The following CELF4 variants were observed in gnomAD, a reference collection of about 807,000 sequenced individuals.
CELF4 encodes the protein CUGBP Elav-like family member 4.
A neutral mutation model predicts 59.9 loss-of-function variants in CELF4; 18 were observed. That is an observed-to-expected ratio of 0.30 (90% CI 0.21 to 0.45). CELF4 has a LOEUF of 0.45. Ranked by LOEUF, CELF4 falls within the 20% of genes least tolerant of loss-of-function variation. The probability of loss-of-function intolerance (pLI) is 1.00; values close to 1 mark genes in which losing one functional copy is unlikely to be tolerated. For missense variants in CELF4, 456 were observed against 689.0 expected (o/e 0.66, Z 3.79); for synonymous variants, 261 against 267.1 (o/e 0.98, Z 0.22).
Position 37,264,720 on chromosome 18 carries a change from C to G in CELF4, c.1203G>C (p.Gln401His). 1 of 1,581,322 alleles carries G rather than the reference C, an allele frequency of 6.3e-7. No individual in the cohort carries two copies. Among genetic ancestry groups the G allele is most frequent in the Non-Finnish European group, 8.6e-7 (1 of 1,162,844 alleles). Reference protein sequence around the residue: ...AYPAAYGQISQAFPQPPPMIP... With the variant: ...AYPAAYGQISHAFPQPPPMIP... ...TCATTGGAGGCGGCTGAGGAAAGGC[C>G]TGGCTTATCTGACCATAGGCAGCAG... The change falls in exon 10 of 13, where the codon CAG becomes CAC. Residue 401 changes from glutamine (Q) to histidine (H), a missense_variant. Physicochemically the swap from Gln to His is conservative, Grantham distance 24. Transcript: ENST00000420428.
intron 1 of CELF4, among the ~76,000 whole-genome samples, chr18:37,538,601 G>T (rs1393249430): frequency 1.3e-5 from 2 of 152,140 alleles, no homozygotes; most frequent in Non-Finnish European, 2.9e-5. Flanking sequence ...TGGCTGCCTG[G>T]GACTAGTGAT....
chr18:37,542,873 C>T (rs1431709733), intron 1 of CELF4, among the ~76,000 whole-genome samples: 1 of 152,174 alleles, frequency 6.6e-6, no homozygotes, highest in East Asian at 1.9e-4. Context: ...TTGCCCCTGA[C>T]CATTGCCTGG....
At chr18:37,420,773 G>T (rs893926876) in intron 2 of CELF4, among the ~76,000 whole-genome samples, 63 of 152,186 alleles carry the variant, frequency 4.1e-4, no homozygotes, top group Non-Finnish European at 5.1e-4. Context: ...AGCACAAACT[G>T]CAAGCCAGGC....
intron 3 of CELF4, among the ~76,000 whole-genome samples, chr18:37,285,968 C>T (rs1378132211): frequency 6.6e-6 from 1 of 152,176 alleles, no homozygotes; most frequent in Non-Finnish European, 1.5e-5. Flanking sequence ...CTGCATTTCA[C>T]CCATCGCAGG....
chr18:37,243,256 A>AAAC lies in CELF4; in HGVS notation c.*1983_*1985dup, dbSNP rs770570223. 15 of 150,842 alleles carry AAAC rather than the reference A, an allele frequency of 9.9e-5. No homozygotes were observed. The highest frequency in any genetic ancestry group is 2.1e-4 in the South Asian group (1 of 4,762). The allele number at this position is 150,842 out of a possible 1,614,324, so 9.3% of individuals were successfully genotyped here. ...AGTCAAGAGAAAAAAAGAAAATGAA[A>AAAC]AACAACAACAACAACAAAATTGACA... On this transcript the variant is annotated 3_prime_UTR_variant, in exon 13 of 13. Transcript: ENST00000420428.
chr18:37,406,296 C>T (rs899676288), intron 2 of CELF4, among the ~76,000 whole-genome samples: 1 of 152,114 alleles, frequency 6.6e-6, no homozygotes, highest in Non-Finnish European at 1.5e-5. Context: ...CACACATGCA[C>T]CCCAGTTCAG....
intron 1 of CELF4, among the ~76,000 whole-genome samples, chr18:37,554,761 AT>A (rs1226175180): frequency 1.3e-5 from 2 of 152,120 alleles, no homozygotes; most frequent in African/African-American, 4.8e-5. Flanking sequence ...TCCCCAGGAC[AT>A]CCTTCCAGGT....
At chr18:37,423,803 A>G (rs928150077) in intron 2 of CELF4, among the ~76,000 whole-genome samples, 2 of 152,158 alleles carry the variant, frequency 1.3e-5, no homozygotes, top group African/African-American at 4.8e-5. Context: ...GGGAGGCTTC[A>G]GGGAGATGCA....
intron 2 of CELF4, among the ~76,000 whole-genome samples, chr18:37,383,508 C>T (rs1287708379): frequency 6.6e-6 from 1 of 152,188 alleles, no homozygotes; most frequent in Non-Finnish European, 1.5e-5. Flanking sequence ...GGAGGCAATC[C>T]TCAGCCAGCT....
In CELF4 at chr18:37,244,426, C is replaced by G. The variant is rs1246008872; in HGVS notation, c.*816G>C. Reference sequence around the variant, plus strand: ...CCAATTTGTTCATCTTTTAACAGCTCCATCCAGACATAGAATACAGAAAAC... The same window carrying G: ...CCAATTTGTTCATCTTTTAACAGCTGCATCCAGACATAGAATACAGAAAAC... On this transcript the variant is annotated 3_prime_UTR_variant, in exon 13 of 13. Transcript: ENST00000420428. 1 of 152,436 alleles carries G rather than the reference C, an allele frequency of 6.6e-6. No individual in the cohort carries two copies. The highest frequency in any genetic ancestry group is 1.5e-5 in the Non-Finnish European group (1 of 68,014). The allele number at this position is 152,436 out of a possible 1,614,324, so 9.4% of individuals were successfully genotyped here.
chr18:37,529,686 T>C (rs747281935), intron 1 of CELF4, among the ~76,000 whole-genome samples: 11 of 152,180 alleles, frequency 7.2e-5, no homozygotes, highest in Non-Finnish European at 1.3e-4. Context: ...GAGGAATTTT[T>C]TGAGGGAAAG....
chr18:37,428,365 G>A (rs979135854), intron 2 of CELF4, among the ~76,000 whole-genome samples: 15 of 152,106 alleles, frequency 9.9e-5, no homozygotes, highest in Non-Finnish European at 2.1e-4. Flanking sequence ...TCATGATCCA[G>A]GGCAGGCAGG....
At chr18:37,536,740 C>T (rs560152794) in intron 1 of CELF4, among the ~76,000 whole-genome samples, 4 of 152,314 alleles carry the variant, frequency 2.6e-5, no homozygotes, top group Admixed American at 2.6e-4. Context: ...CCCTCCCACA[C>T]TCCGCCATCA....
rs146021772 is a variant in CELF4, at chr18:37,489,963, C to T, written c.287-4356G>A. The stretch of plus-strand genomic sequence containing the variant: ...CATACACTCGTGCTCACAGTGGAGT[C>T]GGCAAGGATCCAGTGTGGCTGCTTG... On this transcript the variant is annotated intron_variant, in intron 1 of 12. Transcript: ENST00000420428. Among the ~76,000 whole-genome samples the T allele has an allele frequency of 9.1e-4, 139 of 152,168 alleles. 1 individual carries two copies. The East Asian group carries it at 0.018, about 19-fold the overall frequency.
At chr18:37,256,768 A>G (rs2069829177) in intron 11 of CELF4, among the ~76,000 whole-genome samples, 1 of 152,064 alleles carries the variant, frequency 6.6e-6, no homozygotes, top group African/African-American at 2.4e-5. Context: ...TATTTTTAGT[A>G]GAGATGGAGG....
chr18:37,547,256 GC>G (rs984802103), intron 1 of CELF4, among the ~76,000 whole-genome samples: 1 of 151,714 alleles, frequency 6.6e-6, no homozygotes, highest in African/African-American at 2.4e-5. Context: ...GCCAACAGGA[GC>G]CCCCCCAGGC....
chr18:37,523,256 C>A (rs1400332115), intron 1 of CELF4, among the ~76,000 whole-genome samples: 1 of 152,170 alleles, frequency 6.6e-6, no homozygotes, highest in East Asian at 1.9e-4. Flanking sequence ...GCATTTCTTG[C>A]AAAGTGACAG....
At chr18:37,393,084 A>T (rs1383412587) in intron 2 of CELF4, among the ~76,000 whole-genome samples, 3 of 151,208 alleles carry the variant, frequency 2.0e-5, no homozygotes, top group Non-Finnish European at 2.9e-5. Flanking sequence ...AGACACAGGG[A>T]CTGCGGTGTG....
chr18:37,443,162 T>A (rs965547224), intron 2 of CELF4, among the ~76,000 whole-genome samples: 4 of 152,132 alleles, frequency 2.6e-5, no homozygotes, highest in African/African-American at 9.7e-5. Flanking sequence ...GGATTAGAGC[T>A]AAACCCTAGA....
Sources: allele counts gnomAD v4.1 joint callset (sites outside exome capture counted in the v4.1 genomes callset), GRCh38; gene constraint gnomAD v4.1.1; transcripts MANE v1.5; gene names NCBI Gene and HGNC (gene_info 2026-07-23, HGNC 2026-07-21).